The following USH2A variants were observed in gnomAD, a reference collection of about 807,000 sequenced individuals.
USH2A encodes Usher syndrome 2A (autosomal recessive, mild).
Under a neutral mutation model 538.9 loss-of-function variants are expected in USH2A, and 443 were observed. The observed-to-expected ratio is 0.82, with a 90% CI of 0.76 to 0.89. The LOEUF (loss-of-function observed/expected upper bound fraction) is 0.89. USH2A is among the 40% of genes least tolerant of loss of function. The pLI, the probability that USH2A is intolerant of heterozygous loss-of-function variation, is 0.00. For synonymous variants in USH2A, 2,413 were observed against 2,273.5 expected (o/e 1.06, Z -1.75); for missense variants, 6,633 against 6,324.8 (o/e 1.05, Z -1.65).
At chr1:216,185,490 T>C (rs1045843049) in intron 20 of USH2A, among the ~76,000 whole-genome samples, 1 of 151,950 alleles carries the variant, frequency 6.6e-6, no homozygotes, top group African/African-American at 2.4e-5. Context: ...TAATTACTAC[T>C]TCTAATTTGT....
intron 37 of USH2A, among the ~76,000 whole-genome samples, chr1:215,945,967 G>T (rs555825658): frequency 6.6e-6 from 1 of 152,224 alleles, no homozygotes; most frequent in Middle Eastern, 3.4e-3. Context: ...TCAATCACAG[G>T]GTGAAAAACT....
intron 61 of USH2A, among the ~76,000 whole-genome samples, chr1:215,685,903 A>G (rs1004696261): frequency 6.6e-6 from 1 of 152,090 alleles, no homozygotes; most frequent in African/African-American, 2.4e-5. Context: ...AAACACGTAC[A>G]TGCAGAGTTG....
At chr1:215,731,844 T>C (rs923938532) in intron 60 of USH2A, among the ~76,000 whole-genome samples, 1 of 152,200 alleles carries the variant, frequency 6.6e-6, no homozygotes, top group Non-Finnish European at 1.5e-5. Context: ...TATTCTGAGT[T>C]TAAATAGATA....
intron 11 of USH2A, among the ~76,000 whole-genome samples, chr1:216,276,768 T>G (rs138686493): frequency 4.6e-5 from 7 of 152,042 alleles, no homozygotes; most frequent in African/African-American, 1.7e-4. Flanking sequence ...GCAGGTAAAC[T>G]CCCATTTTTA....
chr1:216,297,227 C>A (rs1487086996), intron 9 of USH2A, among the ~76,000 whole-genome samples: 1 of 151,948 alleles, frequency 6.6e-6, no homozygotes, highest in Admixed American at 6.6e-5. Context: ...AAAGACCAAT[C>A]AGTTATCAAA....
intron 47 of USH2A, among the ~76,000 whole-genome samples, chr1:215,826,014 G>C (rs1663141675): frequency 6.6e-6 from 1 of 152,108 alleles, no homozygotes; most frequent in Admixed American, 6.6e-5. Flanking sequence ...ATGAGCATAG[G>C]AAATAAAGCT....
At position 215,709,159 on chromosome 1, in the gene USH2A, T is replaced by C. The variant is rs564451232; in HGVS notation, c.12066+18871A>G. Among the ~76,000 whole-genome samples, 6 of 152,306 alleles carry C rather than the reference T, an allele frequency of 3.9e-5. No homozygotes were observed. The East Asian group carries it at 1.2e-3, about 29-fold the overall frequency. On this transcript the variant is annotated intron_variant, in intron 61 of 71. Coordinates refer to ENST00000307340, the MANE Select transcript of USH2A (RefSeq NM_206933.4). The stretch of plus-strand genomic sequence containing the variant: ...TGATCAAGAACACTCAGGAAAGAGA[T>C]TGACATTCAGCATCATTAATGATTA...
intron 13 of USH2A, among the ~76,000 whole-genome samples, chr1:216,233,849 T>C (rs139925990): frequency 1.1e-3 from 167 of 152,270 alleles, no homozygotes; most frequent in African/African-American, 3.7e-3. Context: ...TGGTTCTTAG[T>C]GTTGTGTGAT....
At chr1:215,712,477 A>C (rs916597239) in intron 61 of USH2A, among the ~76,000 whole-genome samples, 16 of 152,206 alleles carry the variant, frequency 1.1e-4, no homozygotes, top group Non-Finnish European at 2.1e-4. Flanking sequence ...TCACCAATTC[A>C]ATGATGAAGC....
chr1:216,013,335 C>T (rs554832055), intron 32 of USH2A, among the ~76,000 whole-genome samples: 280 of 151,064 alleles, frequency 1.9e-3, no homozygotes, highest in African/African-American at 6.7e-3. Flanking sequence ...CCCCTAATCC[C>T]GCTCGAAGCA....
chr1:216,247,356 T>G, intron 12 of USH2A, 130 bp from the exon 13 acceptor site: 1 of 1,101,270 alleles, frequency 9.1e-7, no homozygotes. Flanking sequence ...AGCAATGCCA[T>G]AGGGGGCCAA....
chr1:216,312,820 G>A (rs1346128569), intron 9 of USH2A, among the ~76,000 whole-genome samples: 1 of 152,042 alleles, frequency 6.6e-6, no homozygotes, highest in Admixed American at 6.6e-5. Context: ...TTCAAACTGT[G>A]AGGTTGTTTG....
intron 4 of USH2A, among the ~76,000 whole-genome samples, chr1:216,331,101 G>A (rs1558041294): frequency 6.6e-6 from 1 of 151,510 alleles, no homozygotes; most frequent in Non-Finnish European, 1.5e-5. Context: ...ATAAAAAAGA[G>A]TTACAGCAAG....
chr1:216,306,882 C>T (rs2037327126), intron 9 of USH2A, among the ~76,000 whole-genome samples: 1 of 152,202 alleles, frequency 6.6e-6, no homozygotes. Flanking sequence ...GTGATATGAT[C>T]AGTCTTCAGG....
At chr1:216,032,555 A>T (rs1279201148) in intron 32 of USH2A, among the ~76,000 whole-genome samples, 3 of 152,150 alleles carry the variant, frequency 2.0e-5, no homozygotes, top group Non-Finnish European at 2.9e-5. Context: ...GAATCTGTGA[A>T]TTTCATGAGA....
intron 64 of USH2A, among the ~76,000 whole-genome samples, chr1:215,667,498 A>T (rs1657665556): frequency 1.3e-5 from 2 of 152,090 alleles, no homozygotes. Context: ...GGAGTTCAAG[A>T]CTAGCCTGGC....
intron 3 of USH2A, among the ~76,000 whole-genome samples, chr1:216,406,832 T>C (rs1016763903): frequency 9.9e-5 from 15 of 152,150 alleles, no homozygotes; most frequent in African/African-American, 1.9e-4. Context: ...CACTCCAAAA[T>C]GGTTGCATGG....
At chr1:215,812,071 G>A (rs1420730399) in intron 49 of USH2A, among the ~76,000 whole-genome samples, 1 of 126,650 alleles carries the variant, frequency 7.9e-6, no homozygotes, top group African/African-American at 3.1e-5. Context: ...CGCAACCTCT[G>A]CCTCCCAGAT....
chr1:215,656,845 G>C (rs1407179966), intron 64 of USH2A, among the ~76,000 whole-genome samples: 1 of 152,050 alleles, frequency 6.6e-6, no homozygotes, highest in African/African-American at 2.4e-5. Flanking sequence ...TAAAAACTAA[G>C]GAATGTGAAC....
Sources: gnomAD v4.1 joint callset for allele counts (sites outside exome capture counted in the v4.1 genomes callset) on GRCh38, gnomAD v4.1.1 for gene constraint, MANE v1.5 for transcripts, NCBI Gene and HGNC (gene_info 2026-07-23, HGNC 2026-07-21) for gene names.